SLC35D1: variants seen among roughly 807,000 people sequenced by gnomAD.
The protein encoded by SLC35D1 is nucleotide sugar transporter SLC35D1.
SLC35D1 carries 31 observed loss-of-function variants against 46.7 expected under a neutral mutation model. That is an observed-to-expected ratio of 0.66 (90% CI 0.50 to 0.90). The LOEUF (loss-of-function observed/expected upper bound fraction) is 0.90, where lower values mean the gene tolerates loss of function less well. SLC35D1 is among the 40% of genes least tolerant of loss of function. The probability of loss-of-function intolerance (pLI) is 0.00; values close to 1 mark genes in which losing one functional copy is unlikely to be tolerated. For missense variants in SLC35D1, 397 were observed against 426.2 expected, an observed-to-expected ratio of 0.93 and a Z score of 0.60; for synonymous variants, 195 against 164.6, an observed-to-expected ratio of 1.18 and a Z score of -1.41.
intron 11 of SLC35D1, among the ~76,000 whole-genome samples, chr1:67,006,601 G>C (rs919997899): frequency 2.0e-5 from 3 of 152,054 alleles, no homozygotes; most frequent in African/African-American, 7.2e-5. Context: ...GCACAGGATA[G>C]AAGAAGACAA....
At chr1:66,991,926 G>A in the SLC35D1 span, among the ~76,000 whole-genome samples, 2 of 152,010 alleles carry the variant, frequency 1.3e-5, no homozygotes, top group African/African-American at 2.4e-5. Flanking sequence ...CTGGCCATCT[G>A]TAAAATAAGG....
the SLC35D1 span, among the ~76,000 whole-genome samples, chr1:66,991,403 CAG>C: frequency 2.6e-5 from 4 of 152,232 alleles, no homozygotes; most frequent in African/African-American, 7.2e-5. Context: ...CTGGGTTCCA[CAG>C]AGAGTCACAG....
chr1:67,008,572 T>G, intron 11 of SLC35D1: 1 of 717,948 alleles, frequency 1.4e-6, no homozygotes, highest in South Asian at 1.8e-5. Context: ...CTAAATCTAC[T>G]TTATCTGCTC....
chr1:66,983,957 C>A, the SLC35D1 span, among the ~76,000 whole-genome samples: 28 of 152,212 alleles, frequency 1.8e-4, no homozygotes, highest in African/African-American at 6.5e-4. Context: ...AACTCCTGAC[C>A]TCATGATACA....
chr1:66,995,433 TAAAAAAAAAAAAAAAAAAAAAAAAAAAA>T (rs541234514), downstream of SLC35D1, among the ~76,000 whole-genome samples: 2,659 of 35,760 alleles, frequency 0.074, 87 homozygotes, highest in Middle Eastern at 0.11. Context: ...CCTGCTACGC[TAAAAAAAAAAAAAAAAAAAAAAAAAAAA>T]AAAAAAAAAA....
chr1:67,026,038 A>G (rs1167067813), intron 8 of SLC35D1, among the ~76,000 whole-genome samples: 1 of 152,184 alleles, frequency 6.6e-6, no homozygotes, highest in Non-Finnish European at 1.5e-5. Flanking sequence ...GTTCTTCAAC[A>G]TAACACTGAA....
chr1:67,036,671 A>C (rs183126692), intron 8 of SLC35D1, among the ~76,000 whole-genome samples: 123 of 148,838 alleles, frequency 8.3e-4, no homozygotes, highest in African/African-American at 2.9e-3. Flanking sequence ...GAATCTTTAC[A>C]AGTGAAGTGT....
chr1:67,021,453 G>C (rs1667796174), intron 9 of SLC35D1, 82 bp downstream of exon 9: 6 of 1,403,544 alleles, frequency 4.3e-6, no homozygotes, highest in Non-Finnish European at 6.1e-6. Context: ...GAGACCTAAA[G>C]ATATTGAGAA....
chr1:67,042,423 AAC>A, intron 7 of SLC35D1, 95 bp from the exon 8 acceptor site: 1 of 981,988 alleles, frequency 1.0e-6, no homozygotes, highest in Non-Finnish European at 1.7e-6. Context: ...TAAATACACA[AAC>A]ACACACACCC....
In SLC35D1 at chr1:67,001,055, G is replaced by A. The variant is rs1406097461; in HGVS notation, c.*3285C>T. The A allele has an allele frequency of 6.6e-6, 1 of 152,242 alleles. No homozygotes were observed. The highest frequency in any genetic ancestry group is 2.4e-5 in the African/African-American group (1 of 41,380). The allele number at this position is 152,242 out of a possible 1,614,324, so 9.4% of individuals were successfully genotyped here. A position where few individuals can be genotyped will look rare whatever the true frequency, so the allele number is the denominator to read the frequency against. ...CTGGCTAAAGAATTACACACTCCTTGAAAGCAAGAACCATGTCTTGTTTAT... is the reference window on the plus strand; with the variant it reads ...CTGGCTAAAGAATTACACACTCCTTAAAAGCAAGAACCATGTCTTGTTTAT... On this transcript the variant is annotated 3_prime_UTR_variant, in exon 12 of 12. Coordinates refer to ENST00000235345, the MANE Select transcript of SLC35D1 (RefSeq NM_015139.3).
chr1:67,008,637 C>G (rs1173563816), intron 11 of SLC35D1, among the ~76,000 whole-genome samples: 1 of 152,154 alleles, frequency 6.6e-6, no homozygotes, highest in African/African-American at 2.4e-5. Flanking sequence ...TCTCCTAAAC[C>G]TACAGTCATG....
chr1:67,009,180 ATAG>A lies in SLC35D1; in HGVS notation c.877-16_877-14del, dbSNP rs1667513294. The A allele has an allele frequency of 9.8e-7, 1 of 1,023,110 alleles. No individual in the cohort carries two copies. The highest frequency in any genetic ancestry group is 1.5e-6 in the Non-Finnish European group (1 of 684,166). 63.4% of individuals were successfully genotyped at this position (1,023,110 alleles called of 1,614,324 possible). A position where few individuals can be genotyped will look rare whatever the true frequency, so the allele number is the denominator to read the frequency against. On this transcript the variant is annotated splice_polypyrimidine_tract_variant and intron_variant, in intron 10 of 11. Coordinates refer to ENST00000235345, the MANE Select transcript of SLC35D1 (RefSeq NM_015139.3). ...TTATTAATATATTCTAAAAATAAAA[ATAG>A]TAATATACTGTTATATAGGTTTAAC...
chr1:67,042,451 A>G, intron 7 of SLC35D1, 123 bp from the exon 8 acceptor site: 2 of 834,622 alleles, frequency 2.4e-6, no homozygotes, highest in Non-Finnish European at 2.1e-6. Flanking sequence ...TACAACATAC[A>G]CAGCAAATGA....
chr1:67,007,448 G>C (rs1667474517), intron 11 of SLC35D1, among the ~76,000 whole-genome samples: 1 of 145,968 alleles, frequency 6.9e-6, no homozygotes, highest in African/African-American at 2.6e-5. Flanking sequence ...TCAACAAACT[G>C]GGGGAACACA....
In SLC35D1 at chr1:67,053,855, G is replaced by C. The variant is rs756375250; in HGVS notation, c.159C>G (p.Ser53=). Residue 53 remains serine (S), a synonymous_variant, in exon 1 of 12, where the codon TCC becomes TCG. Transcript: ENST00000235345. ...LLAAGFYGVS[S]FLIVVVNKSV... is the part of the protein sequence containing the mutation. ...TCTTATTCACCACCACGATCAGGAA[G>C]GAGCTCACGCCGTAAAAGCCGGCGG... 95 of 1,613,430 alleles carry C rather than the reference G, an allele frequency of 5.9e-5. No individual in the cohort carries two copies. Among genetic ancestry groups the C allele is most frequent in the Non-Finnish European group, 7.1e-5 (84 of 1,179,612 alleles).
At chr1:67,013,894 T>C (rs1489532064) in intron 10 of SLC35D1, among the ~76,000 whole-genome samples, 1 of 152,262 alleles carries the variant, frequency 6.6e-6, no homozygotes, top group African/African-American at 2.4e-5. Flanking sequence ...CTTTTAAAAA[T>C]GTCTGTATCA....
chr1:66,988,998 T>C, the SLC35D1 span, among the ~76,000 whole-genome samples: 12 of 152,338 alleles, frequency 7.9e-5, no homozygotes, highest in African/African-American at 2.4e-4. Context: ...CTCTTTGCCA[T>C]GTAAGTCTAG....
At chr1:67,044,734 AG>A (rs1645232705) in intron 7 of SLC35D1, among the ~76,000 whole-genome samples, 1 of 152,214 alleles carries the variant, frequency 6.6e-6, no homozygotes, top group Non-Finnish European at 1.5e-5. Context: ...AGCCACATTC[AG>A]GTCTAAAATG....
chr1:67,011,460 A>T (rs1273047018), intron 10 of SLC35D1, among the ~76,000 whole-genome samples: 2 of 152,072 alleles, frequency 1.3e-5, no homozygotes, highest in African/African-American at 4.8e-5. Flanking sequence ...GTAAAAAAAC[A>T]ATCAGTTCCT....
Sources: allele counts gnomAD v4.1 joint callset (sites outside exome capture counted in the v4.1 genomes callset), GRCh38; gene constraint gnomAD v4.1.1; transcripts MANE v1.5; gene names NCBI Gene and HGNC (gene_info 2026-07-23, HGNC 2026-07-21).